Variants in SPTBN2 observed in about 807,000 individuals in gnomAD.
The protein encoded by SPTBN2 is spectrin beta, non-erythrocytic 2.
Under a neutral mutation model 284.2 loss-of-function variants are expected in SPTBN2, and 107 were observed. The ratio of observed to expected loss-of-function variants is 0.38; its 90% confidence interval spans 0.32 to 0.44. The LOEUF is 0.44. Ranked by LOEUF, SPTBN2 falls within the 20% of genes least tolerant of loss-of-function variation. The probability of loss-of-function intolerance (pLI) is 1.00; values close to 1 mark genes in which losing one functional copy is unlikely to be tolerated. For synonymous variants in SPTBN2, 1,289 were observed against 1,354.8 expected (o/e 0.95, Z 1.07); for missense variants, 2,569 against 3,287.1 (o/e 0.78, Z 5.34).
chr11:66,705,434 C>G lies in SPTBN2; in HGVS notation c.1842G>C (p.Glu614Asp). ...AGCTCTGCTCTAGCTTGGCCACCCGCTCCGACACCAGCTGCGGGTCGCAAG... is the reference window on the plus strand; with the variant it reads ...AGCTCTGCTCTAGCTTGGCCACCCGGTCCGACACCAGCTGCGGGTCGCAAG... ...YRPCDPQLVS[E>D]RVAKLEQSYE... The change falls in exon 15 of 38, where the codon GAG becomes GAC. Residue 614 changes from glutamate to aspartate, a missense_variant. Transcript: ENST00000533211. 1 of 1,613,068 alleles carries G rather than the reference C, an allele frequency of 6.2e-7. No individual in the cohort carries two copies. The highest frequency in any genetic ancestry group is 2.2e-5 in the East Asian group (1 of 44,884).
rs187977905 is a variant in SPTBN2, at chr11:66,689,294, G to A, written c.5950-114C>T. ...TTCTTTCTTTCTTTCTTTTTTTTGA[G>A]ACGGAGTTTCGCTCTTATCACCAAG... On this transcript the variant is annotated intron_variant, in intron 29 of 37. Transcript: ENST00000533211. 154 of 1,208,774 alleles carry A rather than the reference G, an allele frequency of 1.3e-4. 1 individual carries two copies. The highest frequency in any genetic ancestry group is 1.2e-3 in the Middle Eastern group (6 of 4,870). 74.9% of individuals were successfully genotyped at this position (1,208,774 alleles called of 1,614,324 possible).
In SPTBN2 at chr11:66,707,946, T is replaced by C; in HGVS notation, c.1351-128A>G. ...GCGGTGGCTCTAAGTTCCCTCTCTA[T>C]CCCACCCCCATCCTGTCTCACCAAC... On this transcript the variant is annotated intron_variant, in intron 12 of 37. Transcript: ENST00000533211. The surrounding 1 kb of genome is among the most constrained non-coding windows in gnomAD (Gnocchi z 4.9). 2.2e-6 allele frequency: 3 copies of C among 1,392,096 alleles called. No homozygotes were observed. The highest frequency in any genetic ancestry group is 2.9e-6 in the Non-Finnish European group (3 of 1,019,792). 86.2% of individuals were successfully genotyped at this position (1,392,096 alleles called of 1,614,324 possible). A position where few individuals can be genotyped will look rare whatever the true frequency, so the allele number is the denominator to read the frequency against.
intron 3 of SPTBN2, 143 bp downstream of exon 3, chr11:66,720,940 TG>T: frequency 8.9e-7 from 1 of 1,121,818 alleles, no homozygotes; most frequent in Non-Finnish European, 1.3e-6. Flanking sequence ...AGGCTGGATG[TG>T]GGGACCAGGG....
rs946658237 is a variant in SPTBN2 at position 66,683,460 on chromosome 11, C to T, written c.*2411G>A. Among the ~76,000 whole-genome samples the T allele has an allele frequency of 5.3e-5, 8 of 152,268 alleles. No individual in the cohort carries two copies. Among genetic ancestry groups the T allele is most frequent in the African/African-American group, 1.2e-4 (5 of 41,536 alleles). On this transcript the variant is annotated 3_prime_UTR_variant, in exon 38 of 38. Transcript: ENST00000533211. ...GTCTAACTTGTCTCATAGCCCTCAC[C>T]GCCCCATTCCATCCTGTTGTCTTTC...
Position 66,700,472 on chromosome 11 carries a change from C to T in SPTBN2, c.3573+54G>A. The T allele has an allele frequency of 6.3e-7, 1 of 1,597,684 alleles. No homozygotes were observed. Among genetic ancestry groups the T allele is most frequent in the Non-Finnish European group, 8.5e-7 (1 of 1,179,460 alleles). Reference sequence around the variant, plus strand: ...GCCCATCCTGCTCCTTCACATTTCCCCGGGTCCCTACTTTGCTCTTCCTCC... The same window carrying T: ...GCCCATCCTGCTCCTTCACATTTCCTCGGGTCCCTACTTTGCTCTTCCTCC... On this transcript the variant is annotated intron_variant, in intron 17 of 37. Coordinates refer to ENST00000533211, the MANE Select transcript of SPTBN2 (RefSeq NM_006946.4). This position sits in a 1 kb window ranked among gnomAD's most constrained non-coding sequence, Gnocchi z 6.6.
chr11:66,699,722 G>T, intron 17 of SPTBN2, 114 bp from the exon 18 acceptor site: 2 of 1,066,818 alleles, frequency 1.9e-6, no homozygotes, highest in Non-Finnish European at 2.9e-6. Flanking sequence ...GACAGGGAGG[G>T]TAGCCCAGAG....
chr11:66,702,676 C>T (rs1031443197), intron 15 of SPTBN2, among the ~76,000 whole-genome samples: 7 of 151,934 alleles, frequency 4.6e-5, no homozygotes, highest in African/African-American at 1.4e-4. Context: ...TGGTGGCTCA[C>T]GCCTGTAATC....
At chr11:66,725,516 G>A (rs567027384) in intron 1 of SPTBN2, among the ~76,000 whole-genome samples, 2 of 152,182 alleles carry the variant, frequency 1.3e-5, no homozygotes, top group Admixed American at 1.3e-4. Context: ...TTCCTCAGTC[G>A]GCCAGCAGCC....
rs772740149 is a variant in SPTBN2 at position 66,696,329 on chromosome 11, T to C, written c.4226A>G (p.Asp1409Gly). ...LESLQAQLHS[D>G]DYGKDLTSVN... ...GCTGGTGAGGTCCTTGCCGTAGTCA[T>C]CCGAGTGCAGCTGGGCCTGCAGGCT... The change falls in exon 21 of 38, where the codon GAT (aspartate) becomes GGT (glycine). Residue 1409 changes from aspartate (D) to glycine (G), a missense_variant. Around this residue, in one of 6 missense-constraint regions of SPTBN2, gnomAD observed 49 missense variants for 92.6 expected, o/e 0.53. Coordinates refer to ENST00000533211, the MANE Select transcript of SPTBN2 (RefSeq NM_006946.4). The C allele has an allele frequency of 2.5e-6, 4 of 1,613,272 alleles. No homozygotes were observed. The highest frequency in any genetic ancestry group is 3.4e-6 in the Non-Finnish European group (4 of 1,180,026).
chr11:66,732,115 A>C (rs779417269), upstream of SPTBN2, among the ~76,000 whole-genome samples: 6 of 152,240 alleles, frequency 3.9e-5, no homozygotes, highest in Non-Finnish European at 8.8e-5. Context: ...TATTTCTAAT[A>C]CTTTACACAT....
rs1373892107 is a variant in SPTBN2 at position 66,710,711 on chromosome 11, G to A, written c.944C>T (p.Ser315Leu). 4.3e-6 allele frequency: 7 copies of A among 1,614,156 alleles called. No homozygotes were observed. The highest frequency in any genetic ancestry group is 5.1e-6 in the Non-Finnish European group (6 of 1,180,028). The change falls in exon 10 of 38, where the codon TCG (serine) becomes TTG (leucine). Residue 315 changes from serine (S) to leucine (L), a missense_variant. Around this residue, in one of 6 missense-constraint regions of SPTBN2, gnomAD observed 304 missense variants for 522.1 expected, o/e 0.58. Transcript: ENST00000533211. This position sits in a 1 kb window ranked among gnomAD's most constrained non-coding sequence, Gnocchi z 4.9. ...TTGCTCGATCCACTGCAGCAGCTCC[G>A]AGGCCAGGGACTCGTATTTCTCCAC... The part of the protein sequence containing the change: ...RLVEKYESLA[S>L]ELLQWIEQTI...
rs35532855 is a variant in SPTBN2, at chr11:66,690,210, C to T, written c.5639G>A (p.Arg1880His). The T allele has an allele frequency of 0.022, 35,394 of 1,613,734 alleles. 460 individuals are homozygous for T. Among genetic ancestry groups the T allele is most frequent in the Non-Finnish European group, 0.026 (30,907 of 1,179,890 alleles). The change falls in exon 28 of 38, where the codon CGC (arginine) becomes CAC (histidine). Residue 1880 changes from arginine to histidine, a missense_variant. This residue lies in a region of SPTBN2 where 1,130 missense variants were observed against 1,317.3 expected (regional missense o/e 0.86). Coordinates refer to ENST00000533211, the MANE Select transcript of SPTBN2 (RefSeq NM_006946.4). ...YAGDKAEEIG[R>H]HMQAVAEAWA... Reference sequence around the variant, plus strand: ...GGCCTCGGCCACGGCCTGCATGTGGCGGCCGATCTCCTCAGCCTTGTCTCC... The same window carrying T: ...GGCCTCGGCCACGGCCTGCATGTGGTGGCCGATCTCCTCAGCCTTGTCTCC...
In SPTBN2 at chr11:66,705,158, C is replaced by T. The variant is rs1263132374; in HGVS notation, c.2118G>A (p.Gln706=). The change falls in exon 15 of 38, where the codon CAG becomes CAA. Residue 706 remains glutamine (Q), a synonymous_variant. Transcript: ENST00000533211. ...PLKLTLEQGQ[Q]LVAEGHPGAS... The stretch of plus-strand genomic sequence containing the variant: ...CCCCAGGGTGACCCTCGGCCACCAA[C>T]TGCTGGCCCTGCTCCAGGGTGAGCT... 2.6e-6 allele frequency: 4 copies of T among 1,535,322 alleles called. No individual in the cohort carries two copies. In the African/African-American group the frequency reaches 4.1e-5, roughly 16 times the overall value.
intron 5 of SPTBN2, among the ~76,000 whole-genome samples, chr11:66,714,664 G>A (rs1743473687): frequency 6.6e-6 from 1 of 152,178 alleles, no homozygotes; most frequent in South Asian, 2.1e-4. Context: ...GTGGGGAACT[G>A]CAGGCAGAAG....
intron 1 of SPTBN2, among the ~76,000 whole-genome samples, chr11:66,743,623 T>G (rs1004806575): frequency 2.6e-5 from 4 of 152,192 alleles, no homozygotes; most frequent in Admixed American, 2.6e-4. Flanking sequence ...CAGCTGGGAC[T>G]CTGCAGGACC....
At position 66,722,312 on chromosome 11, in the gene SPTBN2, C is replaced by T. The variant is rs541652144; in HGVS notation, c.-113-872G>A. ...TAAGTTGGCTGGGCGCGGTGTCTCACGCCTGTAATCCCAGCACTTTGGGAG... is the reference window on the plus strand; with the variant it reads ...TAAGTTGGCTGGGCGCGGTGTCTCATGCCTGTAATCCCAGCACTTTGGGAG... On this transcript the variant is annotated intron_variant, in intron 1 of 37. Transcript: ENST00000533211. Among the ~76,000 whole-genome samples the T allele has an allele frequency of 9.2e-5, 14 of 152,254 alleles. 1 individual carries two copies. Among genetic ancestry groups the T allele is most frequent in the South Asian group, 6.2e-4 (3 of 4,824 alleles).
chr11:66,692,963 C>G lies in SPTBN2; in HGVS notation c.4985+7G>C, dbSNP rs1940663275. 6.2e-7 allele frequency: 1 copy of G among 1,603,288 alleles called. No homozygotes were observed. Among genetic ancestry groups the G allele is most frequent in the Admixed American group, 1.7e-5 (1 of 60,012 alleles). On this transcript the variant is annotated splice_region_variant and intron_variant, in intron 25 of 37. Coordinates refer to ENST00000533211, the MANE Select transcript of SPTBN2 (RefSeq NM_006946.4). ...CCCAGGCTGGGCCGGGCTGCCGCTG[C>G]ACCCACCTCTCTGGGTGCTCGTGGT...
chr11:66,727,252 T>C (rs1456902543), intron 1 of SPTBN2, among the ~76,000 whole-genome samples: 3 of 152,208 alleles, frequency 2.0e-5, no homozygotes, highest in Non-Finnish European at 4.4e-5. Context: ...GAACTCACTC[T>C]GCCCCTCTTC....
Position 66,693,315 on chromosome 11 carries a change from G to A in SPTBN2, c.4725C>T (p.His1575=), listed in dbSNP as rs933401246. The change falls in exon 24 of 38, where the codon CAC becomes CAT. Residue 1575 remains histidine, a synonymous_variant. Coordinates refer to ENST00000533211, the MANE Select transcript of SPTBN2 (RefSeq NM_006946.4). The surrounding 1 kb of genome is among the most constrained non-coding windows in gnomAD (Gnocchi z 5.7). ...ELQEMWKRLG[H]ELELRGKRLE... ...GTCGCTTCCCTCGAAGTTCCAGCTCGTGGCCCAGGCGTTTCCACATTTCCT... is the reference window on the plus strand; with the variant it reads ...GTCGCTTCCCTCGAAGTTCCAGCTCATGGCCCAGGCGTTTCCACATTTCCT... 8.7e-6 allele frequency: 14 copies of A among 1,612,326 alleles called. No homozygotes were observed. Among genetic ancestry groups the A allele is most frequent in the East Asian group, 2.2e-5 (1 of 44,900 alleles).
Sources: gnomAD v4.1 joint callset for allele counts (sites outside exome capture counted in the v4.1 genomes callset) on GRCh38, gnomAD v4.1.1 for gene constraint, gnomAD v4.1.1 regional missense constraint, Gnocchi (gnomAD v3.1) non-coding constraint, MANE v1.5 for transcripts, NCBI Gene and HGNC (gene_info 2026-07-23, HGNC 2026-07-21) for gene names.